The following NKTR variants were observed in gnomAD, a reference collection of about 807,000 sequenced individuals.
NKTR encodes the protein natural killer cell triggering receptor.
In NKTR, 67 loss-of-function variants were observed where a neutral mutation model predicts 156.3. That is an observed-to-expected ratio of 0.43 (90% CI 0.35 to 0.53). The LOEUF is 0.53. Among genes scored for constraint, NKTR ranks in the 20% least tolerant of loss-of-function variants. NKTR has a pLI of 0.01. For missense variants in NKTR, 1,604 were observed against 1,730.9 expected, an observed-to-expected ratio of 0.93 and a Z score of 1.30; for synonymous variants, 640 against 596.6, an observed-to-expected ratio of 1.07 and a Z score of -1.06.
intron 2 of NKTR, among the ~76,000 whole-genome samples, chr3:42,608,548 C>G (rs1009129667): frequency 6.6e-6 from 1 of 152,148 alleles, no homozygotes; most frequent in East Asian, 1.9e-4. Flanking sequence ...CTCTCTAAAC[C>G]CTGCCATTTA....
intron 6 of NKTR, among the ~76,000 whole-genome samples, chr3:42,625,778 G>C (rs1411564167): frequency 6.6e-6 from 1 of 152,054 alleles, no homozygotes; most frequent in African/African-American, 2.4e-5. Flanking sequence ...GTGAAACTTA[G>C]CCATAAACCA....
chr3:42,636,782 A>G (rs775564293), intron 12 of NKTR, 86 bp from the exon 13 acceptor site: 154 of 1,482,508 alleles, frequency 1.0e-4, no homozygotes, highest in Non-Finnish European at 1.3e-4. Flanking sequence ...AATGGGGTCA[A>G]GAACTTTGTT....
intron 6 of NKTR, among the ~76,000 whole-genome samples, chr3:42,621,839 A>G (rs1283040405): frequency 2.0e-5 from 3 of 152,002 alleles, no homozygotes; most frequent in African/African-American, 7.2e-5. Context: ...ATTGGAACAT[A>G]AACTATTGAT....
rs1033196750 is a variant in NKTR, at chr3:42,648,426, G to A, written c.*2451G>A. The A allele has an allele frequency of 1.3e-5, 2 of 152,210 alleles. No individual in the cohort carries two copies. The highest frequency in any genetic ancestry group is 2.4e-5 in the African/African-American group (1 of 41,430). The allele number at this position is 152,210 out of a possible 1,614,324, so 9.4% of individuals were successfully genotyped here. A position where few individuals can be genotyped will look rare whatever the true frequency, so the allele number is the denominator to read the frequency against. On this transcript the variant is annotated 3_prime_UTR_variant, in exon 17 of 17. Coordinates refer to ENST00000232978, the MANE Select transcript of NKTR (RefSeq NM_005385.4). The stretch of plus-strand genomic sequence containing the variant: ...GAAAAGGACAGCCCTCTGCTGCAGC[G>A]TTCAACTTGTGTGTTTACTGACAGA...
rs975669190 is a variant in NKTR at position 42,619,220 on chromosome 3, A to G, written c.241+93A>G. ...TAGTTCTAAATATTGTGTCAGTTAC[A>G]GTATGATATAAAATGTGGTCAGTGA... On this transcript the variant is annotated intron_variant, in intron 4 of 16. Transcript: ENST00000232978. 1.3e-5 allele frequency: 20 copies of G among 1,543,662 alleles called. 1 individual carries two copies. The South Asian group carries it at 2.2e-4, about 17-fold the overall frequency.
In NKTR at chr3:42,647,640, T is replaced by C. The variant is rs1710441816; in HGVS notation, c.*1665T>C. 1 of 152,074 alleles carries C rather than the reference T, an allele frequency of 6.6e-6. No individual in the cohort carries two copies. Among genetic ancestry groups the C allele is most frequent in the Non-Finnish European group, 1.5e-5 (1 of 68,028 alleles). 9.4% of individuals were successfully genotyped at this position (152,074 alleles called of 1,614,324 possible). ...AGGACTTAGGCCAAACAAACAATACTGGATACTGAATACAAAACAGTATGA... is the reference window on the plus strand; with the variant it reads ...AGGACTTAGGCCAAACAAACAATACCGGATACTGAATACAAAACAGTATGA... On this transcript the variant is annotated 3_prime_UTR_variant, in exon 17 of 17. Coordinates refer to ENST00000232978, the MANE Select transcript of NKTR (RefSeq NM_005385.4).
rs73085303 is a variant in NKTR, at chr3:42,619,075, G to T, written c.189G>T (p.Thr63=). Residue 63 remains threonine, a synonymous_variant, in exon 4 of 17, where the codon ACG becomes ACT. Coordinates refer to ENST00000232978, the MANE Select transcript of NKTR (RefSeq NM_005385.4). ...AGAAGTTATGTTATAAAGGTTCTAC[G>T]TTCCATCGTGTGGTTAAAAACTTTA... ...TGKKLCYKGS[T]FHRVVKNFMI... 8 of 1,607,010 alleles carry T rather than the reference G, an allele frequency of 5.0e-6. No homozygotes were observed. Among genetic ancestry groups the T allele is most frequent in the Non-Finnish European group, 6.8e-6 (8 of 1,177,708 alleles).
intron 12 of NKTR, among the ~76,000 whole-genome samples, chr3:42,636,555 A>G (rs1709432969): frequency 6.6e-6 from 1 of 152,250 alleles, no homozygotes; most frequent in African/African-American, 2.4e-5. Context: ...GATAACAGCC[A>G]GGAACTCTTG....
In NKTR at chr3:42,631,869, A is replaced by T. The variant is rs565728822; in HGVS notation, c.550+553A>T. ...CATTGACCTTTTTTCAGACATGCCA[A>T]CCACTCAGGGATTTTGTGCTGCCTA... is the stretch of plus-strand genomic sequence containing the variant. On this transcript the variant is annotated intron_variant, in intron 8 of 16. Transcript: ENST00000232978. 4.6e-3 allele frequency among the ~76,000 whole-genome samples: 696 copies of T among 152,198 alleles called. 5 individuals carry two copies. Among genetic ancestry groups the T allele is most frequent in the Non-Finnish European group, 8.0e-3 (542 of 68,004 alleles).
intron 2 of NKTR, among the ~76,000 whole-genome samples, chr3:42,616,707 A>T (rs970251756): frequency 6.6e-6 from 1 of 152,134 alleles, no homozygotes; most frequent in Non-Finnish European, 1.5e-5. Flanking sequence ...TGTTGTAGGG[A>T]AGCATAACCT....
At chr3:42,606,078 A>C (rs1706205577) in intron 2 of NKTR, among the ~76,000 whole-genome samples, 1 of 152,190 alleles carries the variant, frequency 6.6e-6, no homozygotes, top group Non-Finnish European at 1.5e-5. Flanking sequence ...ACTGATTTGA[A>C]GGCCACTGTG....
At position 42,644,008 on chromosome 3, in the gene NKTR, GTCTC is replaced by G. The variant is rs1465669738; in HGVS notation, c.4301+10_4301+13del. 6.8e-6 allele frequency: 11 copies of G among 1,608,744 alleles called. No homozygotes were observed. Among genetic ancestry groups the G allele is most frequent in the Non-Finnish European group, 9.4e-6 (11 of 1,175,852 alleles). On this transcript the variant is annotated splice_donor_region_variant and intron_variant, in intron 16 of 16. Coordinates refer to ENST00000232978, the MANE Select transcript of NKTR (RefSeq NM_005385.4). ...AAGTTATAATCGGCGGTCCAGGTGG[GTCTC>G]TCTCCTTTATCGTCCTTTATCGCAC...
chr3:42,635,394 C>T (rs1667140672), intron 12 of NKTR, 28 bp downstream of exon 12: 1 of 1,555,518 alleles, frequency 6.4e-7, no homozygotes, highest in Middle Eastern at 1.8e-4. Context: ...AAGCACAATC[C>T]TGTGTCTGTT....
intron 2 of NKTR, among the ~76,000 whole-genome samples, chr3:42,604,551 A>G (rs1706002210): frequency 1.3e-5 from 2 of 150,736 alleles, no homozygotes; most frequent in Admixed American, 1.3e-4. Context: ...GTGTTGGTCA[A>G]TTCTTTTATA....
chr3:42,637,783 G>A lies in NKTR; in HGVS notation c.2079G>A (p.Arg693=). The change falls in exon 13 of 17, where the codon AGG becomes AGA. Residue 693 remains arginine (R), a synonymous_variant. Coordinates refer to ENST00000232978, the MANE Select transcript of NKTR (RefSeq NM_005385.4). The part of the protein sequence containing the change: ...DRSSESSPRS[R]SRSSRSRSYS... ...GTTCAGAAAGCTCACCAAGGTCAAG[G>A]AGCAGATCTTCTAGGAGTAGATCTT... The A allele has an allele frequency of 3.1e-6, 5 of 1,613,876 alleles. No individual in the cohort carries two copies. Among genetic ancestry groups the A allele is most frequent in the Non-Finnish European group, 4.2e-6 (5 of 1,179,968 alleles).
At chr3:42,603,162 T>A (rs888281788) in intron 2 of NKTR, 1 of 151,980 alleles carries the variant, frequency 6.6e-6, no homozygotes, top group Non-Finnish European at 1.5e-5. Flanking sequence ...ACCCAGGAGT[T>A]TGAGACCAGC....
intron 2 of NKTR, among the ~76,000 whole-genome samples, chr3:42,615,232 C>G (rs1707239072): frequency 6.6e-6 from 1 of 152,052 alleles, no homozygotes; most frequent in Non-Finnish European, 1.5e-5. Flanking sequence ...GCGCCTGCCA[C>G]CACACCTGGC....
chr3:42,633,328 C>A, intron 9 of NKTR: 1 of 1,243,376 alleles, frequency 8.0e-7, no homozygotes, highest in South Asian at 1.9e-5. Flanking sequence ...AGGTGTGAGC[C>A]ACAATGCCTG....
Position 42,647,303 on chromosome 3 carries a change from G to GTGTGTGTGTGTGTGTGT in NKTR, c.*1329_*1330insGTGTGTGTGTGTGTGTT, listed in dbSNP as rs796657249. On this transcript the variant is annotated 3_prime_UTR_variant, in exon 17 of 17. Coordinates refer to ENST00000232978, the MANE Select transcript of NKTR (RefSeq NM_005385.4). ...GTGTGTGTGTGTGTGTGTGTGTGTG[G>GTGTGTGTGTGTGTGTGT]TTTTTTTTTTTAATCTTTACTTTGA... The GTGTGTGTGTGTGTGTGT allele has an allele frequency of 6.9e-5, 7 of 101,264 alleles. No individual in the cohort carries two copies. Among genetic ancestry groups the GTGTGTGTGTGTGTGTGT allele is most frequent in the East Asian group, 2.9e-4 (1 of 3,474 alleles). The allele number at this position is 101,264 out of a possible 1,614,324, so 6.3% of individuals were successfully genotyped here. A position where few individuals can be genotyped will look rare whatever the true frequency, so the allele number is the denominator to read the frequency against.
Sources: gnomAD v4.1 joint callset for allele counts (sites outside exome capture counted in the v4.1 genomes callset) on GRCh38, gnomAD v4.1.1 for gene constraint, MANE v1.5 for transcripts, NCBI Gene and HGNC (gene_info 2026-07-23, HGNC 2026-07-21) for gene names.